Variants in SLC22A24 observed in about 807,000 individuals in gnomAD.
The protein encoded by SLC22A24 is solute carrier family 22 member 24, also known as steroid transmembrane transporter SLC22A24.
SLC22A24 carries 53 observed loss-of-function variants against 49.8 expected under a neutral mutation model. The observed-to-expected ratio is 1.06, with a 90% CI of 0.85 to 1.34. SLC22A24 has a LOEUF of 1.34. Ranked by LOEUF, SLC22A24 falls within the 40% of genes most tolerant of loss-of-function variation. The pLI is 0.00. For missense variants in SLC22A24, 786 were observed against 675.9 expected (o/e 1.16, Z -1.81); for synonymous variants, 302 against 256.4 (o/e 1.18, Z -1.70).
intron 4 of SLC22A24, among the ~76,000 whole-genome samples, chr11:63,117,952 G>A (rs2087223367): frequency 6.6e-6 from 1 of 152,114 alleles, no homozygotes; most frequent in Non-Finnish European, 1.5e-5. Context: ...TCAACTCTTT[G>A]TTAATTATAT....
intron 2 of SLC22A24, among the ~76,000 whole-genome samples, chr11:63,132,214 A>G (rs1036989949): frequency 6.6e-5 from 10 of 152,130 alleles, no homozygotes; most frequent in African/African-American, 1.9e-4. Flanking sequence ...CTTCCTTGAA[A>G]TGGGTTAGAA....
At chr11:63,091,299 G>C (rs2087019219) in intron 6 of SLC22A24, among the ~76,000 whole-genome samples, 1 of 152,112 alleles carries the variant, frequency 6.6e-6, no homozygotes, top group South Asian at 2.1e-4. Flanking sequence ...GGACCAGAGA[G>C]ATTCACAGCC....
chr11:63,094,513 G>A (rs993236883), intron 6 of SLC22A24, among the ~76,000 whole-genome samples: 15 of 152,228 alleles, frequency 9.9e-5, no homozygotes, highest in Admixed American at 2.6e-4. Context: ...GGATGGCTGG[G>A]TCGACTGGTA....
chr11:63,100,205 TAAAC>T (rs1565327135), intron 5 of SLC22A24, among the ~76,000 whole-genome samples: 1 of 152,120 alleles, frequency 6.6e-6, no homozygotes, highest in African/African-American at 2.4e-5. Flanking sequence ...TATGAGCTGA[TAAAC>T]AAATTTAGTA....
chr11:63,113,201 T>TATATATAC (rs1555048925), intron 4 of SLC22A24, among the ~76,000 whole-genome samples: 44 of 3,992 alleles, frequency 0.011, 11 homozygotes, highest in African/African-American at 0.026. Flanking sequence ...CATATATATA[T>TATATATAC]ACATATATAT....
At position 63,081,129 on chromosome 11, in the gene SLC22A24, A is replaced by G; in HGVS notation, c.1395-6T>C. Reference sequence around the variant, plus strand: ...TGATTCCTGCAACTGTTGACCTTAGAGTGCAAATAACAATACAAAAAATCT... The same window carrying G: ...TGATTCCTGCAACTGTTGACCTTAGGGTGCAAATAACAATACAAAAAATCT... On this transcript the variant is annotated splice_polypyrimidine_tract_variant and splice_region_variant and intron_variant, in intron 8 of 9. Transcript: ENST00000612278. 1 of 1,550,588 alleles carries G rather than the reference A, an allele frequency of 6.4e-7. No individual in the cohort carries two copies. Among genetic ancestry groups the G allele is most frequent in the Non-Finnish European group, 8.7e-7 (1 of 1,145,992 alleles).
chr11:63,120,269 C>G (rs1448119111), intron 2 of SLC22A24, among the ~76,000 whole-genome samples: 1 of 128,068 alleles, frequency 7.8e-6, no homozygotes, highest in Non-Finnish European at 1.5e-5. Context: ...CACATGGACA[C>G]AGGAAGGGGA....
At chr11:63,091,356 A>C (rs1320355134) in intron 6 of SLC22A24, among the ~76,000 whole-genome samples, 2 of 152,218 alleles carry the variant, frequency 1.3e-5, no homozygotes, top group African/African-American at 4.8e-5. Flanking sequence ...TTCCTTCTGA[A>C]ACTATTCCAA....
intron 4 of SLC22A24, among the ~76,000 whole-genome samples, chr11:63,108,474 T>C (rs1307242470): frequency 6.6e-6 from 1 of 152,208 alleles, no homozygotes; most frequent in Non-Finnish European, 1.5e-5. Context: ...ATTCCCTCTC[T>C]TTCTGTTTTT....
At chr11:63,099,245 T>C (rs1196519315) in intron 5 of SLC22A24, among the ~76,000 whole-genome samples, 1 of 151,986 alleles carries the variant, frequency 6.6e-6, no homozygotes, top group Non-Finnish European at 1.5e-5. Context: ...TTGTCCAGGC[T>C]GGAGTGCAGT....
At chr11:63,098,881 A>G (rs866835869) in intron 5 of SLC22A24, among the ~76,000 whole-genome samples, 1 of 152,126 alleles carries the variant, frequency 6.6e-6, no homozygotes, top group Non-Finnish European at 1.5e-5. Context: ...CTTCTAGGCT[A>G]AGAAAAAAGA....
At chr11:63,131,832 C>G (rs1291443724) in intron 2 of SLC22A24, among the ~76,000 whole-genome samples, 1 of 152,200 alleles carries the variant, frequency 6.6e-6, no homozygotes, top group African/African-American at 2.4e-5. Flanking sequence ...GCCTGCCTAT[C>G]TAGGTTAGGG....
At chr11:63,125,133 AT>A (rs1006336491) in intron 2 of SLC22A24, among the ~76,000 whole-genome samples, 6 of 151,780 alleles carry the variant, frequency 4.0e-5, no homozygotes, top group African/African-American at 1.5e-4. Flanking sequence ...ACAAAAAAAC[AT>A]TTCATTGAAG....
chr11:63,087,024 G>GCACACACACACACACA (rs1555045310), intron 6 of SLC22A24, among the ~76,000 whole-genome samples: 267 of 132,608 alleles, frequency 2.0e-3, no homozygotes, highest in African/African-American at 3.6e-3. Flanking sequence ...CCTGGAGGGC[G>GCACACACACACACACA]CACACACACA....
intron 1 of SLC22A24, among the ~76,000 whole-genome samples, chr11:63,135,745 A>G (rs541076967): frequency 1.1e-4 from 17 of 152,294 alleles, no homozygotes; most frequent in Non-Finnish European, 2.1e-4. Context: ...TTCTTATTTG[A>G]GTTCAAAATG....
Position 63,125,039 on chromosome 11 carries a change from C to T in SLC22A24, c.507-5704G>A, listed in dbSNP as rs1017105362. On this transcript the variant is annotated intron_variant, in intron 2 of 9. Coordinates refer to ENST00000612278, the MANE Select transcript of SLC22A24 (RefSeq NM_001136506.2). The stretch of plus-strand genomic sequence containing the variant: ...TAATGGGTGCAGCACACCAGCATGG[C>T]ACATGTATACATATGTAACTAACCT... Among the ~76,000 whole-genome samples the T allele has an allele frequency of 6.6e-5, 10 of 151,810 alleles. No individual in the cohort carries two copies. The South Asian group carries it at 2.1e-3, about 32-fold the overall frequency.
At chr11:63,081,250 C>T in intron 8 of SLC22A24, 127 bp from the exon 9 acceptor site, 1 of 786,620 alleles carries the variant, frequency 1.3e-6, no homozygotes. Flanking sequence ...TGACAGCAAG[C>T]CCTTAATTGT....
chr11:63,117,349 C>T (rs1444896566), intron 4 of SLC22A24, among the ~76,000 whole-genome samples: 1 of 152,134 alleles, frequency 6.6e-6, no homozygotes, highest in Non-Finnish European at 1.5e-5. Context: ...TAGCTTAGTG[C>T]TCAGCTATTA....
At chr11:63,084,483 G>C (rs935899582) in intron 6 of SLC22A24, among the ~76,000 whole-genome samples, 2 of 152,164 alleles carry the variant, frequency 1.3e-5, no homozygotes, top group Non-Finnish European at 2.9e-5. Context: ...AAATTGATTA[G>C]CAGGGCCTAG....
Sources: gnomAD v4.1 joint callset for allele counts (sites outside exome capture counted in the v4.1 genomes callset) on GRCh38, gnomAD v4.1.1 for gene constraint, MANE v1.5 for transcripts, NCBI Gene and HGNC (gene_info 2026-07-23, HGNC 2026-07-21) for gene names.